TNRC6A: variants seen among roughly 807,000 people sequenced by gnomAD.
TNRC6A encodes trinucleotide repeat-containing gene 6A protein.
Under a neutral mutation model 221.2 loss-of-function variants are expected in TNRC6A, and 44 were observed. The ratio of observed to expected loss-of-function variants is 0.20; its 90% CI spans 0.16 to 0.26. The LOEUF is 0.26. Ranked by LOEUF, TNRC6A falls within the 10% of genes least tolerant of loss-of-function variation. The probability of loss-of-function intolerance (pLI) is 1.00; values close to 1 mark genes in which losing one functional copy is unlikely to be tolerated. For synonymous variants in TNRC6A, 847 were observed against 838.5 expected (o/e 1.01, Z -0.18); for missense variants, 2,199 against 2,404.4 (o/e 0.91, Z 1.79).
At chr16:24,688,939 T>C (rs2055695449) in intron 2 of TNRC6A, among the ~76,000 whole-genome samples, 1 of 152,164 alleles carries the variant, frequency 6.6e-6, no homozygotes, top group East Asian at 1.9e-4. Context: ...CAGTGGCTCA[T>C]GCCTGTAACC....
At chr16:24,747,343 T>G (rs1267626160) in intron 2 of TNRC6A, among the ~76,000 whole-genome samples, 1 of 152,158 alleles carries the variant, frequency 6.6e-6, no homozygotes, top group East Asian at 1.9e-4. Context: ...ATGCAGGACA[T>G]AAGTCAAGTT....
intron 3 of TNRC6A, among the ~76,000 whole-genome samples, chr16:24,754,313 T>C (rs985616755): frequency 6.6e-6 from 1 of 152,224 alleles, no homozygotes; most frequent in Non-Finnish European, 1.5e-5. Context: ...TTAATTTACA[T>C]ATTTAGATTC....
At chr16:24,773,998 A>C (rs749813354) in intron 4 of TNRC6A, among the ~76,000 whole-genome samples, 8 of 152,086 alleles carry the variant, frequency 5.3e-5, no homozygotes, top group Non-Finnish European at 7.4e-5. Context: ...TGTGACACAG[A>C]TAATTGGGGG....
chr16:24,713,455 AATAT>A (rs60244906), intron 2 of TNRC6A, among the ~76,000 whole-genome samples: 16 of 92,008 alleles, frequency 1.7e-4, no homozygotes, highest in South Asian at 7.0e-4. Context: ...CAAACAAAAA[AATAT>A]ATATATATAT....
intron 10 of TNRC6A, 45 bp from the exon 11 acceptor site, chr16:24,797,870 T>C: frequency 2.6e-6 from 4 of 1,517,582 alleles, no homozygotes; most frequent in Non-Finnish European, 3.6e-6. Flanking sequence ...TTTGTTTTCA[T>C]TGATAAATTA....
chr16:24,806,874 C>T, intron 17 of TNRC6A, 90 bp downstream of exon 17: 1 of 1,242,054 alleles, frequency 8.1e-7, no homozygotes. Context: ...TCTGTTCCTT[C>T]ATGAAAGCTA....
In TNRC6A at chr16:24,823,727, C is replaced by T; in HGVS notation, c.5809C>T (p.Pro1937Ser). The change falls in exon 25 of 25, where the codon CCC (proline) becomes TCC (serine). Residue 1937 changes from proline (P) to serine (S), a missense_variant. By Grantham distance (74) the Pro-to-Ser change is moderately conservative. Coordinates refer to ENST00000395799, the MANE Select transcript of TNRC6A (RefSeq NM_014494.4). The surrounding 1 kb of genome is among the most constrained non-coding windows in gnomAD (Gnocchi z 4.3). ...SLWGPPSSSD[P>S]RGISSPSPIN... is the part of the protein sequence containing the mutation. Reference sequence around the variant, plus strand: ...GTGGGGTCCCCCAAGCAGCAGCGACCCCCGAGGAATTAGCAGCCCATCTCC... The same window carrying T: ...GTGGGGTCCCCCAAGCAGCAGCGACTCCCGAGGAATTAGCAGCCCATCTCC... 1 of 1,541,222 alleles carries T rather than the reference C, an allele frequency of 6.5e-7. No individual in the cohort carries two copies. Among genetic ancestry groups the T allele is most frequent in the Non-Finnish European group, 8.7e-7 (1 of 1,145,800 alleles).
chr16:24,822,248 A>C, intron 23 of TNRC6A, 101 bp downstream of exon 23: 5 of 1,136,374 alleles, frequency 4.4e-6, no homozygotes, highest in Non-Finnish European at 2.6e-6. Context: ...GTGGTAGTGA[A>C]GCCGAGCAGA....
chr16:24,815,267 A>T lies in TNRC6A; in HGVS notation c.4793A>T (p.Lys1598Ile). 6.2e-7 allele frequency: 1 copy of T among 1,614,244 alleles called. No homozygotes were observed. The highest frequency in any genetic ancestry group is 1.1e-5 in the South Asian group (1 of 91,084). The change falls in exon 19 of 25, where the codon AAA becomes ATA. Residue 1598 changes from lysine to isoleucine, a missense_variant. Coordinates refer to ENST00000395799, the MANE Select transcript of TNRC6A (RefSeq NM_014494.4). ...ATAGGAGATGGCTGGCCACGTGCCA[A>T]ATCGCCTAACGGCTCTAGCAGTGTT... ...GSIGDGWPRAKSPNGSSSVNW... is the reference protein window; with the variant it reads ...GSIGDGWPRAISPNGSSSVNW...
intron 2 of TNRC6A, among the ~76,000 whole-genome samples, chr16:24,745,315 TC>T (rs1264812406): frequency 1.3e-5 from 2 of 152,152 alleles, no homozygotes; most frequent in African/African-American, 4.8e-5. Flanking sequence ...GCTAGTGACT[TC>T]CTGTTGTGTA....
intron 1 of TNRC6A, among the ~76,000 whole-genome samples, chr16:24,621,580 A>G (rs1356706980): frequency 6.6e-6 from 1 of 151,594 alleles, no homozygotes; most frequent in Non-Finnish European, 1.5e-5. Context: ...CTGGTCTCGA[A>G]CTCCTGACCT....
chr16:24,629,870 G>A (rs1901243004), intron 1 of TNRC6A, among the ~76,000 whole-genome samples: 1 of 151,800 alleles, frequency 6.6e-6, no homozygotes, highest in African/African-American at 2.4e-5. Flanking sequence ...TACTCAGGAG[G>A]CAGAGCCAGG....
chr16:24,794,710 GTCA>G lies in TNRC6A; in HGVS notation c.3522_3524del (p.Ser1175del). 6.2e-7 allele frequency: 1 copy of G among 1,608,570 alleles called. No homozygotes were observed. Among genetic ancestry groups the G allele is most frequent in the Non-Finnish European group, 8.5e-7 (1 of 1,178,202 alleles). Reference sequence around the variant, plus strand: ...ATTGGCCACCATATACAAAGAAAATGTCATCGAAGGTAAACATTTCAAGGGCAA... The same window carrying G: ...ATTGGCCACCATATACAAAGAAAATGTCGAAGGTAAACATTTCAAGGGCAA... On this transcript the variant is annotated inframe_deletion, in exon 8 of 25. Coordinates refer to ENST00000395799, the MANE Select transcript of TNRC6A (RefSeq NM_014494.4).
chr16:24,693,465 G>A (rs1047765902), intron 2 of TNRC6A, among the ~76,000 whole-genome samples: 2 of 152,116 alleles, frequency 1.3e-5, no homozygotes, highest in African/African-American at 4.8e-5. Flanking sequence ...TTGCACACCT[G>A]TAATCCCAGC....
At chr16:24,787,789 G>A (rs2058006877) in intron 5 of TNRC6A, among the ~76,000 whole-genome samples, 1 of 152,088 alleles carries the variant, frequency 6.6e-6, no homozygotes, top group Non-Finnish European at 1.5e-5. Context: ...TAATGATTGT[G>A]CTTTGAGAGC....
rs369785165 is a variant in TNRC6A, at chr16:24,686,745, A to G, written n.402+45736A>G. Reference sequence around the variant, plus strand: ...TACACAATAGGATCGGTGCCGCGACAGAGGCCTCTGCAGGGGTGGTATGGC... The same window carrying G: ...TACACAATAGGATCGGTGCCGCGACGGAGGCCTCTGCAGGGGTGGTATGGC... On this transcript the variant is annotated intron_variant and non_coding_transcript_variant, in intron 2 of 2. Transcript: ENST00000566108. 2.6e-5 allele frequency among the ~76,000 whole-genome samples: 4 copies of G among 152,304 alleles called. No individual in the cohort carries two copies. The South Asian group carries it at 6.2e-4, about 24-fold the overall frequency.
chr16:24,677,839 G>A (rs2055450810), intron 2 of TNRC6A, among the ~76,000 whole-genome samples: 1 of 152,128 alleles, frequency 6.6e-6, no homozygotes, highest in Non-Finnish European at 1.5e-5. Context: ...TGAACTGTTT[G>A]TTTCCTCTGT....
At chr16:24,683,728 C>G (rs2055576399) in intron 2 of TNRC6A, among the ~76,000 whole-genome samples, 2 of 152,194 alleles carry the variant, frequency 1.3e-5, no homozygotes. Flanking sequence ...TCGCTGTCCT[C>G]AGTTTCCTCA....
chr16:24,799,021 G>A (rs2058276908), intron 11 of TNRC6A, among the ~76,000 whole-genome samples: 2 of 152,262 alleles, frequency 1.3e-5, no homozygotes, highest in South Asian at 4.1e-4. Context: ...CAGGAGAGGT[G>A]TCTCATGGGA....
Sources: allele counts gnomAD v4.1 joint callset (sites outside exome capture counted in the v4.1 genomes callset), GRCh38; gene constraint gnomAD v4.1.1; non-coding constraint Gnocchi (gnomAD v3.1); transcripts MANE v1.5; gene names NCBI Gene and HGNC (gene_info 2026-07-23, HGNC 2026-07-21).